Variants in ZDHHC21 observed in about 807,000 individuals in gnomAD.
The protein encoded by ZDHHC21 is palmitoyltransferase ZDHHC21.
Under a neutral mutation model 34.6 loss-of-function variants are expected in ZDHHC21, and 15 were observed. The observed-to-expected ratio is 0.43, with a 90% CI of 0.29 to 0.67. ZDHHC21 has a LOEUF of 0.67. Among genes scored for constraint, ZDHHC21 ranks in the 30% least tolerant of loss-of-function variants. The probability of loss-of-function intolerance (pLI) is 0.14; values close to 1 mark genes in which losing one functional copy is unlikely to be tolerated. For synonymous variants in ZDHHC21, 142 were observed against 101.8 expected (o/e 1.40, Z -2.38); for missense variants, 344 against 327.7 (o/e 1.05, Z -0.38).
In ZDHHC21 at chr9:14,680,049, G is replaced by A. The variant is rs1292065461; in HGVS notation, c.-62C>T. The A allele has an allele frequency of 6.6e-6, 1 of 152,474 alleles. No homozygotes were observed. Among genetic ancestry groups the A allele is most frequent in the African/African-American group, 2.4e-5 (1 of 41,422 alleles). The allele number at this position is 152,474 out of a possible 1,614,324, so 9.4% of individuals were successfully genotyped here. A position where few individuals can be genotyped will look rare whatever the true frequency, so the allele number is the denominator to read the frequency against. On this transcript the variant is annotated 5_prime_UTR_variant, in exon 3 of 10. An upstream open reading frame in the 5' UTR gains an earlier in-frame stop. Coordinates refer to ENST00000380916, the MANE Select transcript of ZDHHC21 (RefSeq NM_178566.6). The stretch of plus-strand genomic sequence containing the variant: ...CAAACTTACCACTTGCAAATTCACT[G>A]AGATGTGCTGTAATTTTTCTGGAAT...
rs1824084069 is a variant in ZDHHC21 at position 14,615,998 on chromosome 9, A to G, written c.*2968T>C. The G allele has an allele frequency of 6.6e-6, 1 of 151,704 alleles. No individual in the cohort carries two copies. The highest frequency in any genetic ancestry group is 2.4e-5 in the African/African-American group (1 of 41,416). 9.4% of individuals were successfully genotyped at this position (151,704 alleles called of 1,614,324 possible). ...TACATAAGAAATTGTTACTAAAACT[A>G]TAGATATAACTCTGCGAAATGTAAA... On this transcript the variant is annotated 3_prime_UTR_variant, in exon 10 of 10. Coordinates refer to ENST00000380916, the MANE Select transcript of ZDHHC21 (RefSeq NM_178566.6).
chr9:14,668,958 C>T (rs199561335), intron 5 of ZDHHC21, among the ~76,000 whole-genome samples: 8 of 111,520 alleles, frequency 7.2e-5, no homozygotes, highest in African/African-American at 1.7e-4. Context: ...ACTTCATGTC[C>T]AAAACACCAA....
intron 2 of ZDHHC21, among the ~76,000 whole-genome samples, chr9:14,688,748 G>C (rs2131695762): frequency 6.6e-6 from 1 of 152,306 alleles, no homozygotes; most frequent in South Asian, 2.1e-4. Flanking sequence ...TGTAATCCAA[G>C]CTACTCGGGA....
chr9:14,647,035 G>A, intron 7 of ZDHHC21, among the ~76,000 whole-genome samples: 1 of 152,144 alleles, frequency 6.6e-6, no homozygotes, highest in Non-Finnish European at 1.5e-5. Context: ...CATGTGAAGA[G>A]ACAGAGAAAA....
chr9:14,664,608 T>C (rs1426673896), intron 5 of ZDHHC21, among the ~76,000 whole-genome samples: 1 of 150,238 alleles, frequency 6.7e-6, no homozygotes, highest in Non-Finnish European at 1.5e-5. Context: ...TAAATGTCCC[T>C]GATAGCTTTG....
chr9:14,672,867 T>C lies in ZDHHC21; in HGVS notation c.216A>G (p.Pro72=). 1.2e-6 allele frequency: 2 copies of C among 1,609,430 alleles called. No individual in the cohort carries two copies. The highest frequency in any genetic ancestry group is 1.7e-6 in the Non-Finnish European group (2 of 1,176,962). The stretch of plus-strand genomic sequence containing the variant: ...TCTTGGGGTTCTCAGGGAGTCTTCC[T>C]GGATCAGTTATGGAGGCCCTCACTA... ...VALVRASITD[P]GRLPENPKIP... Residue 72 remains proline (P), a synonymous_variant, in exon 5 of 10, where the codon CCA becomes CCG. Transcript: ENST00000380916.
rs747665673 is a variant in ZDHHC21, at chr9:14,639,852, G to T, written c.621+44C>A. 2.6e-5 allele frequency: 30 copies of T among 1,133,316 alleles called. No individual in the cohort carries two copies. The African/African-American group carries it at 4.1e-4, about 16-fold the overall frequency. The allele number at this position is 1,133,316 out of a possible 1,614,324, so 70.2% of individuals were successfully genotyped here. ...TTTTGAGAATTACATTCATAATTAG[G>T]TAATATATTCATAAATGTTACTTTA... On this transcript the variant is annotated intron_variant, in intron 8 of 9. Transcript: ENST00000380916.
intron 5 of ZDHHC21, among the ~76,000 whole-genome samples, chr9:14,670,544 G>A (rs1386079750): frequency 1.3e-5 from 2 of 152,090 alleles, no homozygotes. Context: ...AGTTGTAATA[G>A]AGACTGTATG....
intron 7 of ZDHHC21, among the ~76,000 whole-genome samples, chr9:14,652,623 G>C (rs370913597): frequency 2.6e-5 from 4 of 151,912 alleles, no homozygotes; most frequent in Admixed American, 2.6e-4. Flanking sequence ...AACAGAAGGC[G>C]AGGAGAAGAG....
At chr9:14,609,004 T>C (rs546354012), downstream of ZDHHC21, among the ~76,000 whole-genome samples, 1 of 152,272 alleles carries the variant, frequency 6.6e-6, no homozygotes, top group African/African-American at 2.4e-5. Flanking sequence ...TTTTTAGCAG[T>C]GGACGTTTCT....
At chr9:14,650,894 C>G (rs1407097276) in intron 7 of ZDHHC21, among the ~76,000 whole-genome samples, 1 of 151,904 alleles carries the variant, frequency 6.6e-6, no homozygotes. Flanking sequence ...ACCCACTGCT[C>G]TCATAGCCTT....
intron 7 of ZDHHC21, among the ~76,000 whole-genome samples, chr9:14,655,489 C>A (rs919718385): frequency 1.3e-5 from 2 of 151,796 alleles, no homozygotes; most frequent in Admixed American, 1.3e-4. Context: ...TATGTAACAA[C>A]AATAATGTCT....
At chr9:14,675,092 A>T (rs1013229708) in intron 3 of ZDHHC21, among the ~76,000 whole-genome samples, 2 of 151,994 alleles carry the variant, frequency 1.3e-5, no homozygotes, top group Non-Finnish European at 2.9e-5. Flanking sequence ...AAGCCCAACA[A>T]ATCTCATTAT....
At chr9:14,634,130 G>C (rs1352662961) in intron 8 of ZDHHC21, among the ~76,000 whole-genome samples, 1 of 152,124 alleles carries the variant, frequency 6.6e-6, no homozygotes, top group Non-Finnish European at 1.5e-5. Flanking sequence ...TCCTCTCAGG[G>C]GCCAGAGGTC....
intron 7 of ZDHHC21, 108 bp from the exon 8 acceptor site, chr9:14,640,120 A>G: frequency 1.8e-6 from 1 of 566,890 alleles, no homozygotes; most frequent in Non-Finnish European, 3.1e-6. Context: ...TATTATCTTA[A>G]AAGAACTACC....
At chr9:14,681,631 T>C (rs1747155135) in intron 2 of ZDHHC21, among the ~76,000 whole-genome samples, 2 of 152,132 alleles carry the variant, frequency 1.3e-5, no homozygotes, top group South Asian at 2.1e-4. Flanking sequence ...AGCACTGACA[T>C]TGACTACATG....
the ZDHHC21 span, among the ~76,000 whole-genome samples, chr9:14,601,388 T>A: frequency 3.3e-5 from 5 of 151,662 alleles, no homozygotes; most frequent in Non-Finnish European, 7.4e-5. Context: ...AACAGACACA[T>A]GAAAAAAAGG....
chr9:14,633,324 C>T (rs1827683606), intron 8 of ZDHHC21, among the ~76,000 whole-genome samples: 1 of 152,100 alleles, frequency 6.6e-6, no homozygotes, highest in Admixed American at 6.5e-5. Context: ...GGAGAGGCTC[C>T]CCAGTGCAGG....
chr9:14,609,514 G>A (rs887229612), downstream of ZDHHC21, among the ~76,000 whole-genome samples: 1 of 152,052 alleles, frequency 6.6e-6, no homozygotes, highest in African/African-American at 2.4e-5. Flanking sequence ...GCTTTCACAT[G>A]AAAATTAGAA....
Sources: allele counts gnomAD v4.1 joint callset (sites outside exome capture counted in the v4.1 genomes callset), GRCh38; gene constraint gnomAD v4.1.1; transcripts MANE v1.5; gene names NCBI Gene and HGNC (gene_info 2026-07-23, HGNC 2026-07-21).